The following SLC44A5 variants were observed in gnomAD, a reference collection of about 807,000 sequenced individuals.
The protein encoded by SLC44A5 is solute carrier family 44 member 5, also known as choline transporter-like protein 5.
Under a neutral mutation model 101.8 loss-of-function variants are expected in SLC44A5, and 57 were observed. The ratio of observed to expected loss-of-function variants is 0.56; its 90% confidence interval spans 0.45 to 0.70. The LOEUF is 0.70. Ranked by LOEUF, SLC44A5 falls within the 30% of genes least tolerant of loss-of-function variation. SLC44A5 has a pLI of 0.00. For synonymous variants in SLC44A5, 281 were observed against 290.9 expected, an observed-to-expected ratio of 0.97 and a Z score of 0.35; for missense variants, 737 against 853.1, an observed-to-expected ratio of 0.86 and a Z score of 1.70.
At chr1:75,589,885 G>T (rs888133073) in intron 1 of SLC44A5, among the ~76,000 whole-genome samples, 2 of 152,108 alleles carry the variant, frequency 1.3e-5, no homozygotes, top group Non-Finnish European at 2.9e-5. Context: ...AGCCAGAGGG[G>T]AATTGTCCAT....
At chr1:75,606,375 T>TA (rs1178414198) in intron 1 of SLC44A5, among the ~76,000 whole-genome samples, 2 of 152,036 alleles carry the variant, frequency 1.3e-5, no homozygotes, top group African/African-American at 4.8e-5. Flanking sequence ...TAATTCATCT[T>TA]ACCTCCATAG....
chr1:75,282,983 T>C (rs1652732289), intron 5 of SLC44A5, among the ~76,000 whole-genome samples: 1 of 152,172 alleles, frequency 6.6e-6, no homozygotes, highest in African/African-American at 2.4e-5. Context: ...GCAAGTATCT[T>C]TTTCGTATAA....
rs370793291 is a variant in SLC44A5, at chr1:75,431,548, A to G, written c.14-34927T>C. ...ATTAACTTATTTATTTAACAGACTCATATGTGACCTTCTTTGCAGAGAGCC... is the reference window on the plus strand; with the variant it reads ...ATTAACTTATTTATTTAACAGACTCGTATGTGACCTTCTTTGCAGAGAGCC... On this transcript the variant is annotated intron_variant, in intron 2 of 23. Transcript: ENST00000370859. Among the ~76,000 whole-genome samples, 10 of 152,324 alleles carry G rather than the reference A, an allele frequency of 6.6e-5. No individual in the cohort carries two copies. The East Asian group carries it at 1.5e-3, about 23-fold the overall frequency.
intron 4 of SLC44A5, among the ~76,000 whole-genome samples, chr1:75,303,730 G>C (rs547583151): frequency 6.6e-6 from 1 of 152,154 alleles, no homozygotes; most frequent in Non-Finnish European, 1.5e-5. Context: ...ACCACAATGG[G>C]ACAGCATTTC....
At chr1:75,256,222 T>C (rs1333574063) in intron 6 of SLC44A5, among the ~76,000 whole-genome samples, 1 of 152,138 alleles carries the variant, frequency 6.6e-6, no homozygotes, top group Non-Finnish European at 1.5e-5. Context: ...ATTAAAGCTA[T>C]GCAATAGGCC....
Position 75,369,778 on chromosome 1 carries a change from TGTTA to T in SLC44A5, c.52+26801_52+26804del, listed in dbSNP as rs200048250. Among the ~76,000 whole-genome samples the T allele has an allele frequency of 5.1e-3, 780 of 152,302 alleles. 16 individuals are homozygous for T. Among genetic ancestry groups the T allele is most frequent in the Admixed American group, 0.035 (538 of 15,298 alleles). On this transcript the variant is annotated intron_variant, in intron 3 of 23. Transcript: ENST00000370859. Reference sequence around the variant, plus strand: ...TAAAAACTTTTTTAATAACTGAAGATGTTAGTTAAGTTTATAAGGAAAGAAAAAG... The same window carrying T: ...TAAAAACTTTTTTAATAACTGAAGATGTTAAGTTTATAAGGAAAGAAAAAG...
At chr1:75,540,005 G>T (rs1456559042) in intron 2 of SLC44A5, among the ~76,000 whole-genome samples, 2 of 152,078 alleles carry the variant, frequency 1.3e-5, no homozygotes, top group Non-Finnish European at 2.9e-5. Context: ...TTTCCCTTAC[G>T]GTATTGTTAG....
At chr1:75,210,079 C>T (rs548552004) in intron 23 of SLC44A5, among the ~76,000 whole-genome samples, 14 of 151,594 alleles carry the variant, frequency 9.2e-5, no homozygotes, top group Non-Finnish European at 1.9e-4. Flanking sequence ...CAGGATCTTG[C>T]TCTGTTACTC....
rs1474499461 is a variant in SLC44A5 at position 75,218,684 on chromosome 1, T to G, written c.1335A>C (p.Gly445=). The G allele has an allele frequency of 6.2e-7, 1 of 1,613,520 alleles. No homozygotes were observed. Among genetic ancestry groups the G allele is most frequent in the Non-Finnish European group, 8.5e-7 (1 of 1,179,670 alleles). The stretch of plus-strand genomic sequence containing the variant: ...GGATGTACTGATGGTACAAGCTCTT[T>G]CCACCATAGAAAGCAAAGTTACACA... ...GALCNFAFYG[G]KSLYHQYIPT... Residue 445 remains glycine, a synonymous_variant, in exon 17 of 24, where the codon GGA becomes GGC. Coordinates refer to ENST00000370859, the MANE Select transcript of SLC44A5 (RefSeq NM_001130058.2).
chr1:75,615,609 G>A (rs964285298), upstream of SLC44A5, among the ~76,000 whole-genome samples: 48 of 152,132 alleles, frequency 3.2e-4, no homozygotes, highest in Non-Finnish European at 6.3e-4. Flanking sequence ...AAGGGGTGGG[G>A]TGAGAGAGGA....
At chr1:75,371,000 A>G (rs1272889985) in intron 3 of SLC44A5, among the ~76,000 whole-genome samples, 1 of 152,110 alleles carries the variant, frequency 6.6e-6, no homozygotes, top group East Asian at 1.9e-4. Flanking sequence ...GAGGAGAAGG[A>G]TTGGGACAAT....
chr1:75,408,900 C>A (rs1663089772), intron 2 of SLC44A5, among the ~76,000 whole-genome samples: 1 of 151,962 alleles, frequency 6.6e-6, no homozygotes, highest in Non-Finnish European at 1.5e-5. Context: ...TTAATAGGTA[C>A]TTGTTGAATG....
intron 11 of SLC44A5, among the ~76,000 whole-genome samples, chr1:75,234,645 G>C (rs1385039436): frequency 6.6e-6 from 1 of 152,004 alleles, no homozygotes; most frequent in Non-Finnish European, 1.5e-5. Flanking sequence ...TTATCTCTAG[G>C]AGTTTGTGAT....
intron 2 of SLC44A5, among the ~76,000 whole-genome samples, chr1:75,424,535 C>G (rs1303924630): frequency 6.6e-6 from 1 of 152,136 alleles, no homozygotes; most frequent in Non-Finnish European, 1.5e-5. Flanking sequence ...GAACTCCTGA[C>G]CTCAAGTGAT....
rs2101660596 is a variant in SLC44A5 at position 75,451,240 on chromosome 1, T to C, written c.14-54619A>G. ...GGAGCTCAGACCACTATGCATTCCA[T>C]GAATTGGCCCATTATCTGAGGCAAC... On this transcript the variant is annotated intron_variant, in intron 2 of 23. Coordinates refer to ENST00000370859, the MANE Select transcript of SLC44A5 (RefSeq NM_001130058.2). Among the ~76,000 whole-genome samples the C allele has an allele frequency of 1.3e-5, 2 of 152,320 alleles. 1 individual carries two copies. The highest frequency in any genetic ancestry group is 4.1e-4 in the South Asian group (2 of 4,826).
intron 6 of SLC44A5, among the ~76,000 whole-genome samples, chr1:75,267,183 C>G (rs1557597891): frequency 6.6e-6 from 1 of 152,138 alleles, no homozygotes; most frequent in Non-Finnish European, 1.5e-5. Context: ...GCTTCTCCTA[C>G]ATGACTGTTC....
At chr1:75,680,799 T>G in the SLC44A5 span, among the ~76,000 whole-genome samples, 2 of 148,460 alleles carry the variant, frequency 1.3e-5, no homozygotes, top group Non-Finnish European at 3.0e-5. Flanking sequence ...CAAAAAACCC[T>G]TCAAAAAATT....
chr1:75,503,944 A>T (rs1669106082), intron 2 of SLC44A5, among the ~76,000 whole-genome samples: 1 of 151,786 alleles, frequency 6.6e-6, no homozygotes, highest in African/African-American at 2.4e-5. Flanking sequence ...TTAAAGAGAG[A>T]TTTTTTTTGT....
At chr1:75,275,997 T>C (rs553998113) in intron 5 of SLC44A5, among the ~76,000 whole-genome samples, 66 of 152,280 alleles carry the variant, frequency 4.3e-4, no homozygotes, top group African/African-American at 1.5e-3. Flanking sequence ...ATCACTCTTA[T>C]GTATATGGCC....
Sources: allele counts gnomAD v4.1 joint callset (sites outside exome capture counted in the v4.1 genomes callset), GRCh38; gene constraint gnomAD v4.1.1; transcripts MANE v1.5; gene names NCBI Gene and HGNC (gene_info 2026-07-23, HGNC 2026-07-21).